Variants in RNF150 observed in about 807,000 individuals in gnomAD.
RNF150 encodes the protein ring finger protein 150.
RNF150 carries 24 observed loss-of-function variants against 39.3 expected under a neutral mutation model. That is an observed-to-expected ratio of 0.61 (90% CI 0.44 to 0.86). The LOEUF (loss-of-function observed/expected upper bound fraction) is 0.86. Among genes scored for constraint, RNF150 ranks in the 40% least tolerant of loss-of-function variants. RNF150 has a pLI of 0.00. For synonymous variants in RNF150, 255 were observed against 227.3 expected, an observed-to-expected ratio of 1.12 and a Z score of -1.10; for missense variants, 502 against 587.8, an observed-to-expected ratio of 0.85 and a Z score of 1.51.
At chr4:141,080,722 G>A (rs1738118526) in intron 1 of RNF150, among the ~76,000 whole-genome samples, 2 of 152,160 alleles carry the variant, frequency 1.3e-5, no homozygotes, top group South Asian at 2.1e-4. Flanking sequence ...CACCATCTAA[G>A]CTTAGCTCTA....
At chr4:140,874,494 A>G (rs987300233) in intron 6 of RNF150, among the ~76,000 whole-genome samples, 1 of 152,200 alleles carries the variant, frequency 6.6e-6, no homozygotes, top group Non-Finnish European at 1.5e-5. Flanking sequence ...CACATAGGAA[A>G]GTTTTTTATT....
chr4:141,057,475 A>C (rs3851429), intron 1 of RNF150, among the ~76,000 whole-genome samples: 125,189 of 151,902 alleles, frequency 0.82, 51,892 homozygotes, highest in Non-Finnish European at 0.88. Context: ...GTGGTGATTT[A>C]TGAGATTTTA....
chr4:141,106,440 G>A (rs1251843752), intron 1 of RNF150, among the ~76,000 whole-genome samples: 5 of 152,184 alleles, frequency 3.3e-5, no homozygotes, highest in African/African-American at 1.2e-4. Flanking sequence ...AGCTAGGCTA[G>A]CCAAGGTAGG....
At chr4:141,191,012 C>T (rs1728102816) in intron 1 of RNF150, among the ~76,000 whole-genome samples, 1 of 152,064 alleles carries the variant, frequency 6.6e-6, no homozygotes, top group Non-Finnish European at 1.5e-5. Flanking sequence ...CACTGTGTAC[C>T]TTCCCCACTC....
At chr4:141,162,953 A>G (rs1727540447) in intron 1 of RNF150, among the ~76,000 whole-genome samples, 1 of 152,182 alleles carries the variant, frequency 6.6e-6, no homozygotes, top group South Asian at 2.1e-4. Flanking sequence ...CAGCAGACAG[A>G]ATTGTTCACT....
At chr4:141,115,192 A>G (rs1019081754) in intron 1 of RNF150, among the ~76,000 whole-genome samples, 2 of 152,220 alleles carry the variant, frequency 1.3e-5, no homozygotes, top group African/African-American at 4.8e-5. Context: ...GGAAGAGAGG[A>G]AGTCAAATTG....
At chr4:141,021,373 A>C (rs1735485046) in intron 1 of RNF150, among the ~76,000 whole-genome samples, 1 of 152,218 alleles carries the variant, frequency 6.6e-6, no homozygotes, top group African/African-American at 2.4e-5. Context: ...TGTCAGTTGT[A>C]CCAAACGGAA....
At chr4:141,100,925 C>G (rs2135779) in intron 1 of RNF150, among the ~76,000 whole-genome samples, 150,252 of 152,320 alleles carry the variant, frequency 0.99, 74,149 homozygotes, top group Middle Eastern at 1. Context: ...TAAAAATATG[C>G]CATAAAAGAT....
intron 6 of RNF150, among the ~76,000 whole-genome samples, chr4:140,902,583 A>C (rs553214619): frequency 1.3e-5 from 2 of 151,660 alleles, no homozygotes; most frequent in South Asian, 4.1e-4. Context: ...TTTTAAATTT[A>C]ATTTTCAGAT....
intron 1 of RNF150, among the ~76,000 whole-genome samples, chr4:141,203,855 C>A (rs1258954198): frequency 6.6e-6 from 1 of 151,840 alleles, no homozygotes; most frequent in Non-Finnish European, 1.5e-5. Context: ...ATATGCCCTC[C>A]CAAGCACAGT....
chr4:140,950,155 T>G (rs1472890286), intron 2 of RNF150, among the ~76,000 whole-genome samples: 3 of 152,218 alleles, frequency 2.0e-5, no homozygotes, highest in Non-Finnish European at 4.4e-5. Flanking sequence ...AAATTGCATG[T>G]GAGTTTTCTA....
intron 5 of RNF150, among the ~76,000 whole-genome samples, chr4:140,921,815 T>C (rs1731165327): frequency 1.3e-5 from 2 of 152,164 alleles, no homozygotes; most frequent in African/African-American, 2.4e-5. Context: ...TGGTTCAACA[T>C]ATGCAAATCA....
chr4:140,924,589 A>G (rs1343683343), intron 5 of RNF150, among the ~76,000 whole-genome samples: 1 of 152,150 alleles, frequency 6.6e-6, no homozygotes, highest in East Asian at 1.9e-4. Context: ...ACACATACAC[A>G]CATTTCCCCC....
At chr4:141,005,212 G>A (rs1356353467) in intron 1 of RNF150, among the ~76,000 whole-genome samples, 1 of 152,138 alleles carries the variant, frequency 6.6e-6, no homozygotes, top group Non-Finnish European at 1.5e-5. Flanking sequence ...GATATATTTT[G>A]GACATGCTAA....
intron 2 of RNF150, among the ~76,000 whole-genome samples, chr4:140,963,445 A>G (rs987743286): frequency 2.0e-5 from 3 of 152,116 alleles, no homozygotes; most frequent in African/African-American, 7.2e-5. Context: ...TATGGCTAGT[A>G]ACTGAGGAAC....
intron 6 of RNF150, among the ~76,000 whole-genome samples, chr4:140,870,211 C>T (rs1386949803): frequency 1.3e-5 from 2 of 152,058 alleles, no homozygotes; most frequent in African/African-American, 2.4e-5. Context: ...AGCTCTTATC[C>T]GTTTCCTAGA....
intron 1 of RNF150, among the ~76,000 whole-genome samples, chr4:141,112,329 C>CT (rs35114988): frequency 0.77 from 116,909 of 151,996 alleles, 45,987 homozygotes; most frequent in East Asian, 0.88. Context: ...TATCGATGGT[C>CT]TTACAATTTG....
At position 141,133,137 on chromosome 4, in the gene RNF150, C is replaced by T; in HGVS notation, c.-329G>A. The T allele has an allele frequency of 3.5e-6, 1 of 289,272 alleles. No homozygotes were observed. The allele number at this position is 289,272 out of a possible 1,614,324, so 17.9% of individuals were successfully genotyped here. ...TCCTTCGCCCGGCTTCGCCTTCTCT[C>T]ATAAGGGTGGCCGGGGGCCCACGAA... On this transcript the variant is annotated 5_prime_UTR_variant, in exon 1 of 7. It removes an upstream start codon present in the reference 5' UTR. Coordinates refer to ENST00000515673, the MANE Select transcript of RNF150 (RefSeq NM_020724.2).
chr4:141,031,309 G>GAA (rs1208840268), intron 1 of RNF150, among the ~76,000 whole-genome samples: 1 of 151,956 alleles, frequency 6.6e-6, no homozygotes, highest in South Asian at 2.1e-4. Context: ...ACTAGTAGAA[G>GAA]AAAACATGGG....
Sources: allele counts gnomAD v4.1 joint callset (sites outside exome capture counted in the v4.1 genomes callset), GRCh38; gene constraint gnomAD v4.1.1; transcripts MANE v1.5; gene names NCBI Gene and HGNC (gene_info 2026-07-23, HGNC 2026-07-21).